Variants in VGLL4 observed in about 807,000 individuals in gnomAD.
VGLL4 encodes vestigial like family member 4, also known as transcription cofactor vestigial-like protein 4.
VGLL4 carries 7 observed loss-of-function variants against 21.0 expected under a neutral mutation model. That is an observed-to-expected ratio of 0.33 (90% CI 0.19 to 0.63). VGLL4 has a LOEUF of 0.63. Ranked by LOEUF, VGLL4 falls within the 20% of genes least tolerant of loss-of-function variation. The pLI is 0.78. For synonymous variants in VGLL4, 222 were observed against 173.2 expected (o/e 1.28, Z -2.21); for missense variants, 394 against 425.7 (o/e 0.93, Z 0.66).
At chr3:11,642,945 C>G (rs1312115284) in intron 1 of VGLL4, among the ~76,000 whole-genome samples, 1 of 152,150 alleles carries the variant, frequency 6.6e-6, no homozygotes, top group Non-Finnish European at 1.5e-5. Flanking sequence ...GAGGGACATT[C>G]TCCGCTGTTT....
At chr3:11,626,916 TG>T (rs1246446168) in intron 1 of VGLL4, among the ~76,000 whole-genome samples, 1 of 128,804 alleles carries the variant, frequency 7.8e-6, no homozygotes, top group African/African-American at 3.0e-5. Context: ...GTAGATGTCT[TG>T]CCCTCAAGGA....
intron 1 of VGLL4, among the ~76,000 whole-genome samples, chr3:11,715,919 G>A (rs1191696667): frequency 6.6e-6 from 1 of 152,090 alleles, no homozygotes; most frequent in Non-Finnish European, 1.5e-5. Flanking sequence ...TCTCCATGAG[G>A]CTCATCACAG....
intron 2 of VGLL4, among the ~76,000 whole-genome samples, chr3:11,693,593 T>C (rs984086654): frequency 6.6e-6 from 1 of 152,158 alleles, no homozygotes; most frequent in African/African-American, 2.4e-5. Flanking sequence ...GCAGCCCTTT[T>C]CCCCTGAATC....
rs565072800 is a variant in VGLL4 at position 11,560,048 on chromosome 3, T to A, written c.496-593A>T. On this transcript the variant is annotated intron_variant, in intron 3 of 4. Coordinates refer to ENST00000430365, the MANE Select transcript of VGLL4 (RefSeq NM_001128219.3). ...ATCTGCCCTGTGCACAGCCTCACTC[T>A]CTCCTTCACCCCCACCCCCACGCTG... 1.4e-4 allele frequency among the ~76,000 whole-genome samples: 21 copies of A among 151,660 alleles called. No individual in the cohort carries two copies. The South Asian group carries it at 4.4e-3, about 32-fold the overall frequency.
intron 2 of VGLL4, among the ~76,000 whole-genome samples, chr3:11,674,396 C>T (rs1199776325): frequency 2.0e-5 from 3 of 152,132 alleles, no homozygotes; most frequent in Non-Finnish European, 2.9e-5. Context: ...ACACAATCCC[C>T]GAGAGTTACT....
At chr3:11,648,067 A>C (rs1026990093), upstream of VGLL4, among the ~76,000 whole-genome samples, 2 of 152,224 alleles carry the variant, frequency 1.3e-5, no homozygotes, top group African/African-American at 4.8e-5. Flanking sequence ...TTAAAGTAGC[A>C]ACAGGATAGT....
intron 2 of VGLL4, among the ~76,000 whole-genome samples, chr3:11,571,954 A>C (rs2073793672): frequency 6.6e-6 from 1 of 152,180 alleles, no homozygotes; most frequent in Non-Finnish European, 1.5e-5. Flanking sequence ...TAAAAATACA[A>C]AAATTATCTG....
At chr3:11,605,817 A>C in intron 1 of VGLL4, among the ~76,000 whole-genome samples, 1 of 152,244 alleles carries the variant, frequency 6.6e-6, no homozygotes, top group African/African-American at 2.4e-5. Context: ...TATGTTAAAG[A>C]TCAAAGATGT....
chr3:11,648,611 C>A (rs2075826674), upstream of VGLL4, among the ~76,000 whole-genome samples: 1 of 151,826 alleles, frequency 6.6e-6, no homozygotes, highest in Non-Finnish European at 1.5e-5. Context: ...AGGCAAAATA[C>A]AAAACTGAAG....
At position 11,582,455 on chromosome 3, in the gene VGLL4, T is replaced by C. The variant is rs2074254614; in HGVS notation, c.273-17436A>G. ...GAGGGTTGCGAGGTAAGGGGCCTGC[T>C]TGCCCCCTGCACTGCAATAAAAGTT... On this transcript the variant is annotated intron_variant, in intron 2 of 4. Transcript: ENST00000430365. 5.3e-6 allele frequency: 7 copies of C among 1,312,576 alleles called. 1 individual carries two copies. Among genetic ancestry groups the C allele is most frequent in the African/African-American group, 4.4e-5 (3 of 67,644 alleles). The allele number at this position is 1,312,576 out of a possible 1,614,324, so 81.3% of individuals were successfully genotyped here.
intron 2 of VGLL4, among the ~76,000 whole-genome samples, chr3:11,570,301 C>G (rs914826508): frequency 6.6e-6 from 1 of 152,144 alleles, no homozygotes; most frequent in Non-Finnish European, 1.5e-5. Flanking sequence ...TCCGACCCAC[C>G]AGCACCATTT....
intron 4 of VGLL4, 107 bp from the exon 5 acceptor site, chr3:11,558,934 G>T: frequency 1.5e-6 from 2 of 1,330,194 alleles, no homozygotes; most frequent in Non-Finnish European, 2.1e-6. Context: ...TGGCTGCCAC[G>T]GTCAGCGTGG....
At chr3:11,558,889 T>G in intron 4 of VGLL4, 62 bp from the exon 5 acceptor site, 362 of 1,572,332 alleles carry the variant, frequency 2.3e-4, no homozygotes, top group Middle Eastern at 4.6e-4. Context: ...CAGGCACGGT[T>G]GCAGCACCCT....
chr3:11,650,659 A>C (rs2075857161), intron 2 of VGLL4, among the ~76,000 whole-genome samples: 1 of 152,106 alleles, frequency 6.6e-6, no homozygotes, highest in African/African-American at 2.4e-5. Flanking sequence ...AGTAAGCTGG[A>C]TATTTAGTTA....
intron 1 of VGLL4, among the ~76,000 whole-genome samples, chr3:11,613,523 T>C (rs2075102839): frequency 1.3e-5 from 2 of 152,188 alleles, no homozygotes; most frequent in Admixed American, 1.3e-4. Flanking sequence ...GCTGCTCTTC[T>C]CTGTAATACC....
upstream of VGLL4, chr3:11,643,991 G>T: frequency 1.0e-6 from 1 of 990,300 alleles, no homozygotes; most frequent in Non-Finnish European, 1.2e-6. Flanking sequence ...GCGCTGCCGA[G>T]GCAGGGAGGG....
chr3:11,632,651 A>T (rs1427921437), intron 1 of VGLL4, among the ~76,000 whole-genome samples: 1 of 152,246 alleles, frequency 6.6e-6, no homozygotes, highest in Admixed American at 6.5e-5. Flanking sequence ...AAATAAAAGC[A>T]GTTCCTTTTC....
chr3:11,647,750 C>T (rs1013458041), upstream of VGLL4, among the ~76,000 whole-genome samples: 2 of 27,910 alleles, frequency 7.2e-5, no homozygotes, highest in African/African-American at 3.2e-4. Context: ...GTCAGTCTGG[C>T]AGAAGTCTGG....
chr3:11,719,800 G>A lies in VGLL4; in HGVS notation c.-14+594C>T, dbSNP rs539524335. Among the ~76,000 whole-genome samples, 3 of 152,122 alleles carry A rather than the reference G, an allele frequency of 2.0e-5. No homozygotes were observed. Among genetic ancestry groups the A allele is most frequent in the African/African-American group, 7.2e-5 (3 of 41,528 alleles). The stretch of plus-strand genomic sequence containing the variant: ...AGGGAGAGGCCGCTTTCCCTCCCCC[G>A]CCAGCTGCGCGCCCGGTGCCAGCTC... On this transcript the variant is annotated intron_variant, in intron 1 of 5. Coordinates refer to the VGLL4 transcript ENST00000273038. This position sits in a 1 kb window ranked among gnomAD's most constrained non-coding sequence, Gnocchi z 4.0.
Sources: allele counts gnomAD v4.1 joint callset (sites outside exome capture counted in the v4.1 genomes callset), GRCh38; gene constraint gnomAD v4.1.1; non-coding constraint Gnocchi (gnomAD v3.1); transcripts MANE v1.5; gene names NCBI Gene and HGNC (gene_info 2026-07-23, HGNC 2026-07-21).